ADGRL3: variants seen among roughly 807,000 people sequenced by gnomAD.
ADGRL3 encodes the protein calcium-independent alpha-latrotoxin receptor 3.
A neutral mutation model predicts 153.5 loss-of-function variants in ADGRL3; 62 were observed. The ratio of observed to expected loss-of-function variants is 0.40; its 90% CI spans 0.33 to 0.50. ADGRL3 has a LOEUF of 0.50. ADGRL3 is among the 20% of genes least tolerant of loss of function. ADGRL3 has a pLI of 0.47. For synonymous variants in ADGRL3, 710 were observed against 672.5 expected (o/e 1.06, Z -0.86); for missense variants, 1,641 against 1,859.4 (o/e 0.88, Z 2.16).
rs2099059890 is a variant in ADGRL3, at chr4:61,979,478, C to A, written c.2806-85C>A. The A allele has an allele frequency of 6.6e-6, 7 of 1,055,430 alleles. No homozygotes were observed. The East Asian group carries it at 1.2e-4, about 18-fold the overall frequency. 65.4% of individuals were successfully genotyped at this position (1,055,430 alleles called of 1,614,324 possible). A position where few individuals can be genotyped will look rare whatever the true frequency, so the allele number is the denominator to read the frequency against. On this transcript the variant is annotated intron_variant, in intron 17 of 26. Coordinates refer to ENST00000683033, the MANE Select transcript of ADGRL3 (RefSeq NM_001387552.1). ...AGGGTATTTTGTGCATTATTACTATCATGCTTTGTGCATCCAGGCCCTTAT... is the reference window on the plus strand; with the variant it reads ...AGGGTATTTTGTGCATTATTACTATAATGCTTTGTGCATCCAGGCCCTTAT...
chr4:61,571,066 A>G (rs150019672), intron 4 of ADGRL3, among the ~76,000 whole-genome samples: 14 of 152,174 alleles, frequency 9.2e-5, no homozygotes, highest in African/African-American at 3.4e-4. Flanking sequence ...TGCAAATAGT[A>G]AAGATGGAGT....
At chr4:61,393,604 T>G (rs551137726) in intron 2 of ADGRL3, among the ~76,000 whole-genome samples, 1 of 152,178 alleles carries the variant, frequency 6.6e-6, no homozygotes, top group African/African-American at 2.4e-5. Context: ...TTATAAATTA[T>G]CATTTTTTTC....
At chr4:61,875,378 G>T (rs542614586) in intron 9 of ADGRL3, among the ~76,000 whole-genome samples, 1 of 152,246 alleles carries the variant, frequency 6.6e-6, no homozygotes, top group East Asian at 1.9e-4. Context: ...ATAAGGTAAT[G>T]TGAGTCACAT....
chr4:61,599,627 C>T (rs2099002839), intron 5 of ADGRL3, among the ~76,000 whole-genome samples: 2 of 152,176 alleles, frequency 1.3e-5, no homozygotes, highest in East Asian at 3.9e-4. Context: ...GCCATTGCGC[C>T]TGGCCTAGAT....
At chr4:61,619,288 C>A (rs182347529) in intron 5 of ADGRL3, among the ~76,000 whole-genome samples, 7 of 152,040 alleles carry the variant, frequency 4.6e-5, no homozygotes, top group Non-Finnish European at 1.0e-4. Context: ...CTTGTTTTGT[C>A]TACTTTTTTA....
intron 1 of ADGRL3, among the ~76,000 whole-genome samples, chr4:61,312,552 A>G (rs189050359): frequency 8.7e-4 from 132 of 152,322 alleles, no homozygotes; most frequent in African/African-American, 3.1e-3. Flanking sequence ...AAACCCAATA[A>G]GAAAACAATC....
At chr4:61,807,713 G>A (rs2097567548) in intron 8 of ADGRL3, among the ~76,000 whole-genome samples, 1 of 151,920 alleles carries the variant, frequency 6.6e-6, no homozygotes, top group Non-Finnish European at 1.5e-5. Flanking sequence ...TATCATAATG[G>A]TATAAAGAAG....
At chr4:61,715,249 TG>T (rs2151540191) in intron 6 of ADGRL3, among the ~76,000 whole-genome samples, 1 of 152,320 alleles carries the variant, frequency 6.6e-6, no homozygotes, top group African/African-American at 2.4e-5. Context: ...TAATTGAAGA[TG>T]TCTTACTCAA....
chr4:61,681,636 A>T (rs2095338233), intron 6 of ADGRL3, among the ~76,000 whole-genome samples: 1 of 152,102 alleles, frequency 6.6e-6, no homozygotes, highest in Admixed American at 6.6e-5. Flanking sequence ...GAAGATTGGT[A>T]TTTATAAATA....
At position 61,594,851 on chromosome 4, in the gene ADGRL3, T is replaced by C. The variant is rs552485902; in HGVS notation, c.473+7411T>C. 2.6e-5 allele frequency among the ~76,000 whole-genome samples: 4 copies of C among 152,306 alleles called. No individual in the cohort carries two copies. The South Asian group carries it at 8.3e-4, about 32-fold the overall frequency. ...AACCTTACCAATTTGCCTGATGTTC[T>C]ATTCTTCTGCAGCTAAGCTGGAACT... On this transcript the variant is annotated intron_variant, in intron 5 of 26. Coordinates refer to ENST00000683033, the MANE Select transcript of ADGRL3 (RefSeq NM_001387552.1).
At chr4:61,355,501 T>C (rs550524305) in intron 1 of ADGRL3, among the ~76,000 whole-genome samples, 1 of 152,248 alleles carries the variant, frequency 6.6e-6, no homozygotes, top group South Asian at 2.1e-4. Context: ...ATTTCCTAAA[T>C]TCTCAGGTGA....
intron 1 of ADGRL3, among the ~76,000 whole-genome samples, chr4:61,322,711 G>A (rs2095385070): frequency 6.6e-6 from 1 of 152,206 alleles, no homozygotes; most frequent in Non-Finnish European, 1.5e-5. Flanking sequence ...GTGTTCTCAT[G>A]GTCTGGGGCA....
intron 1 of ADGRL3, among the ~76,000 whole-genome samples, chr4:61,367,233 T>G (rs952266366): frequency 6.6e-6 from 1 of 152,046 alleles, no homozygotes; most frequent in South Asian, 2.1e-4. Context: ...TGTCGCTTTT[T>G]TTTTTATTTT....
intron 1 of ADGRL3, among the ~76,000 whole-genome samples, chr4:61,346,344 G>C (rs2095906946): frequency 9.1e-6 from 1 of 110,408 alleles, no homozygotes; most frequent in African/African-American, 3.6e-5. Flanking sequence ...CACACACACA[G>C]CTCTGTCAGA....
chr4:61,869,698 G>A (rs1181822565), intron 9 of ADGRL3, among the ~76,000 whole-genome samples: 1 of 151,792 alleles, frequency 6.6e-6, no homozygotes, highest in African/African-American at 2.4e-5. Flanking sequence ...CAACACTTTG[G>A]GAGGCTGAGG....
chr4:61,578,943 G>A (rs910875622), intron 4 of ADGRL3, among the ~76,000 whole-genome samples: 3 of 152,058 alleles, frequency 2.0e-5, no homozygotes, highest in African/African-American at 7.2e-5. Flanking sequence ...CATCTTCTGG[G>A]TCATCGGCCT....
intron 9 of ADGRL3, among the ~76,000 whole-genome samples, chr4:61,866,475 CT>C (rs1202060658): frequency 1.3e-5 from 2 of 152,178 alleles, no homozygotes; most frequent in African/African-American, 4.8e-5. Context: ...CATCTGCAGT[CT>C]TTAATGACAT....
chr4:61,637,117 C>T (rs2093457973), intron 5 of ADGRL3, among the ~76,000 whole-genome samples: 1 of 152,132 alleles, frequency 6.6e-6, no homozygotes, highest in Non-Finnish European at 1.5e-5. Flanking sequence ...TGCATATGTT[C>T]AACTTCTAAC....
intron 4 of ADGRL3, among the ~76,000 whole-genome samples, chr4:61,548,128 G>A (rs929487957): frequency 2.0e-5 from 3 of 151,982 alleles, no homozygotes; most frequent in South Asian, 4.1e-4. Context: ...TAATGGGGTT[G>A]TTTGCTTTTT....
Sources: gnomAD v4.1 joint callset for allele counts (sites outside exome capture counted in the v4.1 genomes callset) on GRCh38, gnomAD v4.1.1 for gene constraint, MANE v1.5 for transcripts, NCBI Gene and HGNC (gene_info 2026-07-23, HGNC 2026-07-21) for gene names.